B4GALNT4: variants seen among roughly 807,000 people sequenced by gnomAD.
B4GALNT4 encodes N-acetyl-beta-glucosaminyl-glycoprotein 4-beta-N-acetylgalactosaminyltransferase 1.
Under a neutral mutation model 110.0 loss-of-function variants are expected in B4GALNT4, and 77 were observed. That is an observed-to-expected ratio of 0.70 (90% CI 0.58 to 0.85). B4GALNT4 has a LOEUF of 0.85. Ranked by LOEUF, B4GALNT4 falls within the 40% of genes least tolerant of loss-of-function variation. The pLI is 0.00. For synonymous variants in B4GALNT4, 785 were observed against 655.5 expected (o/e 1.20, Z -3.02); for missense variants, 1,575 against 1,506.0 (o/e 1.05, Z -0.76).
At chr11:379,841 G>GCT (rs1554915760) in intron 15 of B4GALNT4, 25 bp from the exon 16 acceptor site, 1 of 1,561,602 alleles carries the variant, frequency 6.4e-7, no homozygotes, top group African/African-American at 1.4e-5. Context: ...TCGGCTCAGC[G>GCT]CCCCCCCCGC....
intron 8 of B4GALNT4, 110 bp downstream of exon 8, chr11:373,938 G>A (rs1846672457): frequency 1.8e-6 from 2 of 1,115,568 alleles, no homozygotes; most frequent in Non-Finnish European, 1.3e-6. Flanking sequence ...AGATGGTCAG[G>A]GCCATGGGCC....
chr11:377,327 G>C lies in B4GALNT4; in HGVS notation c.2204G>C (p.Gly735Ala). Reference sequence around the variant, plus strand: ...GAGCGGCTGAACGCGCGCCACGGCGGGTATGGGGGCGGCCGAACGCGCGCC... The same window carrying C: ...GAGCGGCTGAACGCGCGCCACGGCGCGTATGGGGGCGGCCGAACGCGCGCC... ...YMERLNARHG[G>A]RFALLRIVNV... Residue 735 changes from glycine to alanine, a missense_variant and splice_region_variant, in exon 14 of 20, where the codon GGG becomes GCG. Physicochemically the swap from Gly to Ala is moderately conservative, Grantham distance 60. Coordinates refer to ENST00000329962, the MANE Select transcript of B4GALNT4 (RefSeq NM_178537.5). 2.6e-6 allele frequency: 4 copies of C among 1,526,338 alleles called. No homozygotes were observed. Among genetic ancestry groups the C allele is most frequent in the Non-Finnish European group, 3.5e-6 (4 of 1,140,030 alleles). 94.5% of individuals were successfully genotyped at this position (1,526,338 alleles called of 1,614,324 possible). A position where few individuals can be genotyped will look rare whatever the true frequency, so the allele number is the denominator to read the frequency against.
At position 373,476 on chromosome 11, in the gene B4GALNT4, G is replaced by A. The variant is rs756066552; in HGVS notation, c.664G>A (p.Glu222Lys). 6 of 1,592,282 alleles carry A rather than the reference G, an allele frequency of 3.8e-6. No homozygotes were observed. The highest frequency in any genetic ancestry group is 1.7e-5 in the Admixed American group (1 of 58,788). ...KTGSEWTAPG[E>K]FTKFSSQVSK... The stretch of plus-strand genomic sequence containing the variant: ...TGGCTCCGAGTGGACAGCGCCTGGA[G>A]AATTCACCAAGTTCAGCTCCCAGGT... Residue 222 changes from glutamate (E) to lysine (K), a missense_variant, in exon 7 of 20, where the codon GAA becomes AAA. Coordinates refer to ENST00000329962, the MANE Select transcript of B4GALNT4 (RefSeq NM_178537.5).
intron 19 of B4GALNT4, chr11:381,152 C>T (rs1846867806): frequency 1.0e-6 from 1 of 984,902 alleles, no homozygotes; most frequent in Non-Finnish European, 1.2e-6. Flanking sequence ...CCCCAGGGTC[C>T]TGCAAGGTCA....
chr11:379,607 C>A lies in B4GALNT4; in HGVS notation c.2394C>A (p.Pro798=), dbSNP rs780107827. 1.3e-6 allele frequency: 2 copies of A among 1,552,692 alleles called. No homozygotes were observed. Among genetic ancestry groups the A allele is most frequent in the East Asian group, 2.3e-5 (1 of 42,748 alleles). ...DADGESPEPA[P]AASVRPDGRP... The stretch of plus-strand genomic sequence containing the variant: ...ACGGAGAAAGTCCCGAACCCGCTCC[C>A]GCCGCCTCCGTGCGCCCCGACGGCC... The change falls in exon 15 of 20, where the codon CCC becomes CCA. Residue 798 remains proline (P), a synonymous_variant. Coordinates refer to ENST00000329962, the MANE Select transcript of B4GALNT4 (RefSeq NM_178537.5).
rs756807757 is a variant in B4GALNT4, at chr11:380,205, C to T, written c.2715+3C>T. On this transcript the variant is annotated splice_donor_region_variant and intron_variant, in intron 17 of 19. Coordinates refer to ENST00000329962, the MANE Select transcript of B4GALNT4 (RefSeq NM_178537.5). ...AGGCGGGAGTGGACGCGGTAGAGGT[C>T]CGAGGGCCCCATGGGGGTCGGGGAG... 3 of 1,603,494 alleles carry T rather than the reference C, an allele frequency of 1.9e-6. No homozygotes were observed. The highest frequency in any genetic ancestry group is 2.6e-6 in the Non-Finnish European group (3 of 1,173,178).
chr11:377,403 G>A (rs1306363343), intron 14 of B4GALNT4, 76 bp downstream of exon 14: 3 of 1,400,468 alleles, frequency 2.1e-6, no homozygotes, highest in Admixed American at 2.9e-5. Flanking sequence ...CCTGGCCTTG[G>A]CGGACTCCTC....
chr11:372,697 G>T lies in B4GALNT4; in HGVS notation c.291G>T (p.Gly97=). The change falls in exon 3 of 20, where the codon GGG becomes GGT. Residue 97 remains glycine (G), a synonymous_variant. Transcript: ENST00000329962. Reference sequence around the variant, plus strand: ...GGGACCTAGACATGCTGTTTCCTGGGGGGGCTGGGAGGCTGCCACTGAACT... The same window carrying T: ...GGGACCTAGACATGCTGTTTCCTGGTGGGGCTGGGAGGCTGCCACTGAACT... ...EGRDLDMLFP[G]GAGRLPLNFT... 1 of 1,612,016 alleles carries T rather than the reference G, an allele frequency of 6.2e-7. No individual in the cohort carries two copies. The highest frequency in any genetic ancestry group is 8.5e-7 in the Non-Finnish European group (1 of 1,179,772).
In B4GALNT4 at chr11:381,633, C is replaced by G. The variant is rs778446326; in HGVS notation, c.2997-36C>G. On this transcript the variant is annotated intron_variant, in intron 19 of 19. Coordinates refer to ENST00000329962, the MANE Select transcript of B4GALNT4 (RefSeq NM_178537.5). ...CCTGACCACCTCTCCGTCCCCAACC[C>G]CGGGGTCCTGACCACCTCTCTGCCC... The G allele has an allele frequency of 5.4e-5, 84 of 1,545,778 alleles. 1 individual carries two copies. Among genetic ancestry groups the G allele is most frequent in the Non-Finnish European group, 7.1e-5 (82 of 1,148,424 alleles).
chr11:375,573 T>C (rs2133571250), intron 9 of B4GALNT4, 46 bp downstream of exon 9: 1 of 1,604,686 alleles, frequency 6.2e-7, no homozygotes, highest in South Asian at 1.1e-5. Flanking sequence ...CGGGATGGGC[T>C]CTGGGTGTGA....
intron 14 of B4GALNT4, among the ~76,000 whole-genome samples, chr11:378,831 G>T (rs1331175856): frequency 6.6e-6 from 1 of 152,086 alleles, no homozygotes; most frequent in Non-Finnish European, 1.5e-5. Flanking sequence ...GGGGAAAGGG[G>T]TGCTGTGAAG....
chr11:379,706 G>A lies in B4GALNT4; in HGVS notation c.2488+5G>A, dbSNP rs780193099. On this transcript the variant is annotated splice_donor_5th_base_variant and intron_variant, in intron 15 of 19. Coordinates refer to ENST00000329962, the MANE Select transcript of B4GALNT4 (RefSeq NM_178537.5). Reference sequence around the variant, plus strand: ...TGGTTCACTTCATCGTGCCAGGTTCGCAGGGCGGGCTCGGGGTGTCCGGGA... The same window carrying A: ...TGGTTCACTTCATCGTGCCAGGTTCACAGGGCGGGCTCGGGGTGTCCGGGA... The A allele has an allele frequency of 6.7e-7, 1 of 1,500,626 alleles. No individual in the cohort carries two copies. The highest frequency in any genetic ancestry group is 1.4e-5 in the African/African-American group (1 of 70,928). The allele number at this position is 1,500,626 out of a possible 1,614,324, so 93.0% of individuals were successfully genotyped here.
rs1846731772 is a variant in B4GALNT4 at position 375,713 on chromosome 11, C to A, written c.925C>A (p.Pro309Thr). The stretch of plus-strand genomic sequence containing the variant: ...AGCCAGCCACGTGGGGGGGCGTCCG[C>A]CGCAGGAGGAGACCAGCGCAGACAT... ...SPASHVGGRP[P>T]QEETSADMLR... The change falls in exon 10 of 20, where the codon CCG (proline) becomes ACG (threonine). Residue 309 changes from proline to threonine, a missense_variant. Pro to Thr is a conservative substitution (Grantham distance 38, BLOSUM62 -1). Coordinates refer to ENST00000329962, the MANE Select transcript of B4GALNT4 (RefSeq NM_178537.5). 4 of 1,595,302 alleles carry A rather than the reference C, an allele frequency of 2.5e-6. No individual in the cohort carries two copies. Among genetic ancestry groups the A allele is most frequent in the Non-Finnish European group, 3.4e-6 (4 of 1,175,312 alleles).
chr11:376,809 A>T lies in B4GALNT4; in HGVS notation c.1686A>T (p.Arg562Ser). The T allele has an allele frequency of 7.3e-7, 1 of 1,363,908 alleles. No homozygotes were observed. Among genetic ancestry groups the T allele is most frequent in the Non-Finnish European group, 9.5e-7 (1 of 1,057,254 alleles). 84.5% of individuals were successfully genotyped at this position (1,363,908 alleles called of 1,614,324 possible). A position where few individuals can be genotyped will look rare whatever the true frequency, so the allele number is the denominator to read the frequency against. Reference protein sequence around the residue: ...GVFLHPRPLPRVQLRAPPRPP... With the variant: ...GVFLHPRPLPSVQLRAPPRPP... ...TCCTGCACCCCAGGCCTCTGCCCAG[A>T]GTGCAGCTGCGGGCGCCCCCACGCC... Residue 562 changes from arginine (R) to serine (S), a missense_variant, in exon 14 of 20, where the codon AGA becomes AGT. Coordinates refer to ENST00000329962, the MANE Select transcript of B4GALNT4 (RefSeq NM_178537.5).
At chr11:380,524 C>G in intron 18 of B4GALNT4, 79 bp downstream of exon 18, 12 of 1,517,426 alleles carry the variant, frequency 7.9e-6, no homozygotes, top group Non-Finnish European at 9.7e-6. Flanking sequence ...CCCGGGGCCT[C>G]TCTCAATTCC....
intron 14 of B4GALNT4, among the ~76,000 whole-genome samples, chr11:378,628 GGACGT>G (rs927022882): frequency 1.3e-5 from 2 of 152,240 alleles, no homozygotes; most frequent in African/African-American, 4.8e-5. Flanking sequence ...TGCCAAGGGA[GGACGT>G]GAGGCCGACT....
rs138227476 is a variant in B4GALNT4, at chr11:376,432, G to T, written c.1309G>T (p.Asp437Tyr). The part of the protein sequence containing the change: ...LFLNPDDFLD[D>Y]EDEGELLDSL... ...CGCGTTTCCCGCAGACTTCCTGGAC[G>T]ACGAGGACGAGGGGGAGCTGCTCGA... is the stretch of plus-strand genomic sequence containing the variant. The change falls in exon 14 of 20, where the codon GAC (aspartate) becomes TAC (tyrosine). Residue 437 changes from aspartate to tyrosine, a missense_variant. Physicochemically the swap from Asp to Tyr is radical, Grantham distance 160. Coordinates refer to ENST00000329962, the MANE Select transcript of B4GALNT4 (RefSeq NM_178537.5). The T allele has an allele frequency of 3.7e-5, 59 of 1,597,348 alleles. No individual in the cohort carries two copies. Among genetic ancestry groups the T allele is most frequent in the Non-Finnish European group, 1.1e-5 (13 of 1,178,482 alleles).
At chr11:373,913 C>A in intron 8 of B4GALNT4, 85 bp downstream of exon 8, 1 of 1,339,074 alleles carries the variant, frequency 7.5e-7, no homozygotes, top group Non-Finnish European at 1.0e-6. Context: ...GTCCCCGTCC[C>A]AAAGTTGACA....
intron 14 of B4GALNT4, among the ~76,000 whole-genome samples, chr11:377,924 G>A (rs1478694948): frequency 6.6e-6 from 1 of 152,364 alleles, no homozygotes; most frequent in East Asian, 1.9e-4. Flanking sequence ...TTTGGCCTTG[G>A]GGAGGCCTGT....
Sources: gnomAD v4.1 joint callset for allele counts (sites outside exome capture counted in the v4.1 genomes callset) on GRCh38, gnomAD v4.1.1 for gene constraint, MANE v1.5 for transcripts, NCBI Gene and HGNC (gene_info 2026-07-23, HGNC 2026-07-21) for gene names.